VPS13B: variants seen among roughly 807,000 people sequenced by gnomAD.
VPS13B encodes intermembrane lipid transfer protein VPS13B.
In VPS13B, 285 loss-of-function variants were observed where a neutral mutation model predicts 426.4. The ratio of observed to expected loss-of-function variants is 0.67; its 90% confidence interval spans 0.61 to 0.74. VPS13B has a LOEUF of 0.74. Ranked by LOEUF, VPS13B falls within the 30% of genes least tolerant of loss-of-function variation. VPS13B has a pLI of 0.00. For synonymous variants in VPS13B, 1,676 were observed against 1,676.4 expected (o/e 1.00, Z 0.01); for missense variants, 4,537 against 4,782.6 (o/e 0.95, Z 1.51).
chr8:99,697,599 G>C (rs1832086639), intron 35 of VPS13B: 1 of 653,706 alleles, frequency 1.5e-6, no homozygotes, highest in Admixed American at 2.4e-5. Context: ...TCAAAGACTG[G>C]TAGGTGAAGA....
chr8:99,339,045 G>T (rs188926306), intron 19 of VPS13B, among the ~76,000 whole-genome samples: 31 of 152,202 alleles, frequency 2.0e-4, no homozygotes, highest in African/African-American at 7.5e-4. Flanking sequence ...TAAAGTTAGA[G>T]ATTATTATTC....
intron 2 of VPS13B, among the ~76,000 whole-genome samples, chr8:99,026,734 G>T (rs1183282124): frequency 6.6e-6 from 1 of 152,052 alleles, no homozygotes; most frequent in Admixed American, 6.5e-5. Flanking sequence ...GTGACTTAAA[G>T]TGTATTTTTT....
At chr8:99,698,043 C>T (rs1832106617) in intron 35 of VPS13B, 1 of 355,164 alleles carries the variant, frequency 2.8e-6, no homozygotes, top group Admixed American at 3.2e-5. Context: ...CACCTGTCCT[C>T]CTGCTGCCCC....
intron 39 of VPS13B, among the ~76,000 whole-genome samples, chr8:99,750,666 T>G (rs1193476945): frequency 6.6e-6 from 1 of 152,076 alleles, no homozygotes; most frequent in Non-Finnish European, 1.5e-5. Flanking sequence ...AAGGCACCAT[T>G]GTGGAGAGAC....
chr8:99,142,993 C>CTT lies in VPS13B; in HGVS notation c.1674_1675dup (p.Ser559PhefsTer22). ...TTTTAGGTTCCACAAATCAACAAGA[C>CTT]TTTTCTTCAGGGAAAAGTGAAGATT... On this transcript the variant is annotated frameshift_variant, in exon 13 of 62. Coordinates refer to ENST00000357162, the MANE Select transcript of VPS13B (RefSeq NM_152564.5). LOFTEE classifies it high-confidence loss of function. 6.2e-7 allele frequency: 1 copy of CTT among 1,613,502 alleles called. No homozygotes were observed.
In VPS13B at chr8:99,640,046, GAAGAGAAA is replaced by G. The variant is rs1172111903; in HGVS notation, c.5221-1763_5221-1756del. The stretch of plus-strand genomic sequence containing the variant: ...ATAATAAGAAGAAGAAGAAGAAGAA[GAAGAGAAA>G]AGAAAAGAAAAGAAAAGAAAAGAAA... On this transcript the variant is annotated intron_variant, in intron 33 of 61. Transcript: ENST00000357162. 4.8e-3 allele frequency among the ~76,000 whole-genome samples: 348 copies of G among 72,680 alleles called. 1 individual carries two copies. Among genetic ancestry groups the G allele is most frequent in the African/African-American group, 9.1e-3 (155 of 16,964 alleles). 47.7% of individuals were successfully genotyped at this position (72,680 alleles called of 152,430 possible).
rs1017358214 is a variant in VPS13B at position 99,361,693 on chromosome 8, T to C, written c.2825-22515T>C. On this transcript the variant is annotated intron_variant, in intron 19 of 61. Coordinates refer to ENST00000357162, the MANE Select transcript of VPS13B (RefSeq NM_152564.5). ...TCTCTTGGAAGATTGTTTTGTAGGA[T>C]TGGTTACCTTAGCCAGATAATTCAA... Among the ~76,000 whole-genome samples the C allele has an allele frequency of 5.3e-5, 8 of 152,302 alleles. No homozygotes were observed. In the East Asian group the frequency reaches 7.7e-4, roughly 15 times the overall value.
rs190709849 is a variant in VPS13B at position 99,507,503 on chromosome 8, C to A, written c.4224+300C>A. ...TTGTGTTGACTTTTTGGAATTGTTT[C>A]CCAATTCTTATGTGAGTTTATGCTG... On this transcript the variant is annotated intron_variant, in intron 28 of 61. Coordinates refer to ENST00000357162, the MANE Select transcript of VPS13B (RefSeq NM_152564.5). Among the ~76,000 whole-genome samples, 59 of 152,156 alleles carry A rather than the reference C, an allele frequency of 3.9e-4. 1 individual carries two copies. In the East Asian group the frequency reaches 0.01, roughly 27 times the overall value.
intron 3 of VPS13B, among the ~76,000 whole-genome samples, chr8:99,065,793 G>T (rs1225208535): frequency 6.6e-6 from 1 of 152,158 alleles, no homozygotes; most frequent in Non-Finnish European, 1.5e-5. Flanking sequence ...AAGCTGATAA[G>T]CAACTTCAGC....
At chr8:99,493,184 G>A (rs1820707099) in intron 25 of VPS13B, among the ~76,000 whole-genome samples, 1 of 152,122 alleles carries the variant, frequency 6.6e-6, no homozygotes, top group South Asian at 2.1e-4. Flanking sequence ...CTATAGTCAT[G>A]AGTGATACTG....
At chr8:99,748,309 A>G (rs535549258) in intron 39 of VPS13B, among the ~76,000 whole-genome samples, 5 of 152,188 alleles carry the variant, frequency 3.3e-5, no homozygotes, top group Admixed American at 3.3e-4. Flanking sequence ...ATTAAGAGCC[A>G]GTCTTTCTAG....
At chr8:99,649,633 C>G (rs978918823) in intron 34 of VPS13B, among the ~76,000 whole-genome samples, 1 of 151,244 alleles carries the variant, frequency 6.6e-6, no homozygotes, top group Admixed American at 6.6e-5. Flanking sequence ...CATACACACA[C>G]ACACACACAC....
chr8:99,510,263 A>G (rs1003007854), intron 28 of VPS13B, among the ~76,000 whole-genome samples: 11 of 152,196 alleles, frequency 7.2e-5, no homozygotes, highest in Admixed American at 6.5e-5. Flanking sequence ...CTTTGTATAA[A>G]TTAGCCAAAT....
intron 2 of VPS13B, among the ~76,000 whole-genome samples, chr8:99,033,933 C>A (rs926078805): frequency 1.3e-5 from 2 of 152,098 alleles, no homozygotes; most frequent in Admixed American, 6.5e-5. Context: ...TCCCTTATTT[C>A]TTTGAACATA....
At chr8:99,225,989 G>A (rs1218590928) in intron 17 of VPS13B, among the ~76,000 whole-genome samples, 1 of 151,930 alleles carries the variant, frequency 6.6e-6, no homozygotes, top group Non-Finnish European at 1.5e-5. Flanking sequence ...CTGTCGCCCA[G>A]GCTGGAGTGC....
Position 99,577,434 on chromosome 8 carries a change from T to C in VPS13B, c.5077-56T>C. On this transcript the variant is annotated intron_variant, in intron 32 of 61. Transcript: ENST00000357162. ...AGGTCAAATAAGTAAGAATGATAAA[T>C]TATCATCTGAAAGCTATCATGTTTC... The C allele has an allele frequency of 5.0e-6, 8 of 1,607,916 alleles. No homozygotes were observed. The South Asian group carries it at 7.7e-5, about 15-fold the overall frequency.
At chr8:99,584,874 C>T (rs1359534557) in intron 33 of VPS13B, among the ~76,000 whole-genome samples, 1 of 152,090 alleles carries the variant, frequency 6.6e-6, no homozygotes, top group Non-Finnish European at 1.5e-5. Context: ...GCTTTCATGT[C>T]TAATGCACAT....
At chr8:99,043,428 C>T (rs548436887) in intron 3 of VPS13B, among the ~76,000 whole-genome samples, 5,726 of 152,192 alleles carry the variant, frequency 0.038, 132 homozygotes, top group Middle Eastern at 0.068. Context: ...TATCACCTCT[C>T]TCTTAGCTTG....
At chr8:99,326,454 T>TTTTTTA in intron 19 of VPS13B, among the ~76,000 whole-genome samples, 1 of 79,718 alleles carries the variant, frequency 1.3e-5, no homozygotes, top group Non-Finnish European at 2.6e-5. Context: ...CTAGGTAGCT[T>TTTTTTA]TTTTTTTTTT....
Sources: gnomAD v4.1 joint callset for allele counts (sites outside exome capture counted in the v4.1 genomes callset) on GRCh38, gnomAD v4.1.1 for gene constraint, MANE v1.5 for transcripts, NCBI Gene and HGNC (gene_info 2026-07-23, HGNC 2026-07-21) for gene names.